PALMD: variants seen among roughly 807,000 people sequenced by gnomAD.
PALMD encodes paralemmin-like protein.
In PALMD, 42 loss-of-function variants were observed where a neutral mutation model predicts 56.2. The observed-to-expected ratio is 0.75, with a 90% confidence interval of 0.58 to 0.97. The LOEUF is 0.97. Among genes scored for constraint, PALMD ranks in the 50% least tolerant of loss-of-function variants. The pLI, the probability that PALMD is intolerant of heterozygous loss-of-function variation, is 0.00. For missense variants in PALMD, 660 were observed against 643.8 expected (o/e 1.03, Z -0.27); for synonymous variants, 242 against 222.9 (o/e 1.09, Z -0.76).
chr1:99,686,600 A>C, intron 3 of PALMD, 76 bp from the exon 4 acceptor site: 1 of 699,704 alleles, frequency 1.4e-6, no homozygotes, highest in East Asian at 2.6e-5. Flanking sequence ...GAAACTTTAT[A>C]TATGGGGAAG....
At chr1:99,672,473 G>T (rs1221419978) in intron 3 of PALMD, among the ~76,000 whole-genome samples, 1 of 152,106 alleles carries the variant, frequency 6.6e-6, no homozygotes, top group Non-Finnish European at 1.5e-5. Context: ...ATTTATACCT[G>T]GTTTAGAAAT....
intron 1 of PALMD, among the ~76,000 whole-genome samples, chr1:99,647,963 A>C (rs1285808908): frequency 2.6e-5 from 4 of 152,238 alleles, no homozygotes; most frequent in Non-Finnish European, 5.9e-5. Context: ...TAGTCACTGA[A>C]GGTTCCAAAC....
chr1:99,690,221 CTACTT>C, intron 7 of PALMD: 1 of 349,782 alleles, frequency 2.9e-6, no homozygotes. Flanking sequence ...AATCTGATGA[CTACTT>C]TATTTGTGCC....
intron 3 of PALMD, among the ~76,000 whole-genome samples, chr1:99,674,607 C>CAA (rs879722756): frequency 5.0e-5 from 7 of 141,026 alleles, no homozygotes; most frequent in East Asian, 2.1e-4. Context: ...AACTCCCACC[C>CAA]AAAAAAAAAA....
intron 3 of PALMD, among the ~76,000 whole-genome samples, chr1:99,681,945 C>T (rs948306042): frequency 6.6e-6 from 1 of 152,180 alleles, no homozygotes; most frequent in African/African-American, 2.4e-5. Context: ...CTCAAAAACT[C>T]AGTGCATTAT....
intron 3 of PALMD, among the ~76,000 whole-genome samples, chr1:99,683,046 AAGAAAGAAAGAGAGAGAGAG>A (rs1653390002): frequency 7.3e-4 from 14 of 19,150 alleles, no homozygotes; most frequent in African/African-American, 2.1e-3. Context: ...GAAAGAAAGA[AAGAAAGAAAGAGAGAGAGAG>A]AGAGAGAGAG....
At chr1:99,679,371 T>G (rs577694039) in intron 3 of PALMD, among the ~76,000 whole-genome samples, 2 of 152,200 alleles carry the variant, frequency 1.3e-5, no homozygotes, top group African/African-American at 4.8e-5. Flanking sequence ...TGCTATAAAG[T>G]GGCATTAGCT....
chr1:99,685,376 A>G (rs1653461998), intron 3 of PALMD: 1 of 152,188 alleles, frequency 6.6e-6, no homozygotes, highest in Non-Finnish European at 1.5e-5. Flanking sequence ...TGAAGGGTAA[A>G]AGTGCTGCCA....
chr1:99,688,726 T>C (rs747450229), intron 6 of PALMD, 49 bp from the exon 7 acceptor site: 3 of 1,298,100 alleles, frequency 2.3e-6, no homozygotes, highest in Non-Finnish European at 3.2e-6. Context: ...CAGGTTAGTT[T>C]ACAAAAGAAA....
chr1:99,646,185 T>C lies in PALMD; in HGVS notation c.-133T>C, dbSNP rs1652439344. 1.4e-5 allele frequency: 10 copies of C among 723,810 alleles called. No homozygotes were observed. Among genetic ancestry groups the C allele is most frequent in the South Asian group, 1.3e-4 (8 of 61,208 alleles). The allele number at this position is 723,810 out of a possible 1,614,324, so 44.8% of individuals were successfully genotyped here. On this transcript the variant is annotated 5_prime_UTR_variant, in exon 1 of 8. Transcript: ENST00000263174. ...TCCTGACAAGTCGGGAATTTCTCTA[T>C]TTCTCCACTGGTGCAAAGAGCGGAT... is the stretch of plus-strand genomic sequence containing the variant.
chr1:99,680,225 G>C (rs1653308693), intron 3 of PALMD, among the ~76,000 whole-genome samples: 1 of 152,102 alleles, frequency 6.6e-6, no homozygotes, highest in South Asian at 2.1e-4. Flanking sequence ...ACAAAAAATT[G>C]CATGTTGGAA....
intron 3 of PALMD, among the ~76,000 whole-genome samples, chr1:99,671,884 G>A (rs1653096863): frequency 6.6e-6 from 1 of 152,122 alleles, no homozygotes; most frequent in African/African-American, 2.4e-5. Flanking sequence ...AACGTAAAGA[G>A]CCAGGATTTA....
At chr1:99,650,256 A>G (rs1241398199) in intron 1 of PALMD, among the ~76,000 whole-genome samples, 2 of 141,228 alleles carry the variant, frequency 1.4e-5, no homozygotes, top group African/African-American at 5.4e-5. Context: ...CAACAGAGCC[A>G]GATTTTGCCG....
intron 2 of PALMD, among the ~76,000 whole-genome samples, chr1:99,662,765 C>G (rs551435055): frequency 6.6e-6 from 1 of 152,250 alleles, no homozygotes; most frequent in South Asian, 2.1e-4. Flanking sequence ...CAATGAAAGG[C>G]CAGTCATTCC....
rs1167026580 is a variant in PALMD, at chr1:99,675,002, T to C, written c.251+7236T>C. 2.6e-5 allele frequency among the ~76,000 whole-genome samples: 4 copies of C among 152,354 alleles called. No homozygotes were observed. The South Asian group carries it at 8.3e-4, about 32-fold the overall frequency. ...AACTTCCACACCCACCCCCTTGCGA[T>C]GCATCTTTTGTCTGCCATAAGGCAA... On this transcript the variant is annotated intron_variant, in intron 3 of 7. Coordinates refer to ENST00000263174, the MANE Select transcript of PALMD (RefSeq NM_017734.5).
At chr1:99,661,924 AG>A (rs1652855081) in intron 1 of PALMD, among the ~76,000 whole-genome samples, 1 of 152,206 alleles carries the variant, frequency 6.6e-6, no homozygotes, top group Non-Finnish European at 1.5e-5. Flanking sequence ...CCTTTCACCC[AG>A]AGGCTTCTTC....
intron 3 of PALMD, chr1:99,668,897 GA>G (rs1258106786): frequency 6.6e-6 from 1 of 152,120 alleles, no homozygotes; most frequent in Non-Finnish European, 1.5e-5. Flanking sequence ...CCTACAAAGG[GA>G]AAATATTTAA....
At chr1:99,646,424 C>T (rs970633965) in intron 1 of PALMD, 62 bp downstream of exon 1, 2 of 1,308,134 alleles carry the variant, frequency 1.5e-6, no homozygotes, top group Middle Eastern at 1.8e-4. Context: ...AGACCGTGGC[C>T]GGCTGCCCCT....
intron 1 of PALMD, among the ~76,000 whole-genome samples, chr1:99,647,962 A>C (rs1652480944): frequency 6.6e-6 from 1 of 152,232 alleles, no homozygotes; most frequent in Non-Finnish European, 1.5e-5. Flanking sequence ...TTAGTCACTG[A>C]AGGTTCCAAA....
Sources: gnomAD v4.1 joint callset for allele counts (sites outside exome capture counted in the v4.1 genomes callset) on GRCh38, gnomAD v4.1.1 for gene constraint, MANE v1.5 for transcripts, NCBI Gene and HGNC (gene_info 2026-07-23, HGNC 2026-07-21) for gene names.